The following CADPS2 variants were observed in gnomAD, a reference collection of about 807,000 sequenced individuals.
CADPS2 encodes calcium-dependent secretion activator 2.
In CADPS2, 93 loss-of-function variants were observed where a neutral mutation model predicts 172.5. The observed-to-expected ratio is 0.54, with a 90% CI of 0.46 to 0.64. The LOEUF is 0.64. CADPS2 is among the 30% of genes least tolerant of loss of function. CADPS2 has a pLI of 0.00. For missense variants in CADPS2, 1,420 were observed against 1,565.9 expected (o/e 0.91, Z 1.57); for synonymous variants, 546 against 555.2 (o/e 0.98, Z 0.23).
At chr7:122,541,848 C>T (rs997035267) in intron 8 of CADPS2, among the ~76,000 whole-genome samples, 11 of 70,172 alleles carry the variant, frequency 1.6e-4, no homozygotes, top group Non-Finnish European at 3.9e-4. Flanking sequence ...TTTATATATT[C>T]ATATATATTT....
At chr7:122,677,715 C>G (rs1212498807) in intron 2 of CADPS2, among the ~76,000 whole-genome samples, 1 of 152,140 alleles carries the variant, frequency 6.6e-6, no homozygotes, top group African/African-American at 2.4e-5. Flanking sequence ...GATCACACAG[C>G]CAGAGTGTGG....
At chr7:122,514,816 G>C (rs1330167843) in intron 8 of CADPS2, among the ~76,000 whole-genome samples, 1 of 151,952 alleles carries the variant, frequency 6.6e-6, no homozygotes, top group African/African-American at 2.4e-5. Flanking sequence ...TTATGTTTTT[G>C]ATAAAATTAA....
chr7:122,654,142 T>C (rs1451480715), intron 3 of CADPS2, among the ~76,000 whole-genome samples: 1 of 152,168 alleles, frequency 6.6e-6, no homozygotes, highest in African/African-American at 2.4e-5. Flanking sequence ...GAAGAAAAGT[T>C]TGAAGCTAGG....
intron 14 of CADPS2, among the ~76,000 whole-genome samples, chr7:122,468,014 C>A (rs1429276801): frequency 1.3e-5 from 2 of 152,074 alleles, no homozygotes; most frequent in Non-Finnish European, 2.9e-5. Flanking sequence ...CTGTTTAACT[C>A]TATTCTTTTA....
chr7:122,424,322 T>G (rs76824312), intron 17 of CADPS2: 1 of 984,574 alleles, frequency 1.0e-6, no homozygotes, highest in African/African-American at 1.7e-5. Context: ...CATTAACTAC[T>G]TTACCTAGAT....
chr7:122,639,156 C>G (rs2077353878), intron 3 of CADPS2, among the ~76,000 whole-genome samples: 2 of 152,124 alleles, frequency 1.3e-5, no homozygotes, highest in Non-Finnish European at 2.9e-5. Flanking sequence ...AACCAGTAAT[C>G]CTCATTTTAT....
chr7:122,496,781 T>A (rs1271930935), intron 9 of CADPS2, among the ~76,000 whole-genome samples: 2 of 152,182 alleles, frequency 1.3e-5, no homozygotes, highest in Non-Finnish European at 2.9e-5. Flanking sequence ...GTGTTTTGTT[T>A]GCTTAAAAAG....
chr7:122,607,752 T>C (rs1341757450), intron 6 of CADPS2, among the ~76,000 whole-genome samples: 1 of 152,158 alleles, frequency 6.6e-6, no homozygotes, highest in Non-Finnish European at 1.5e-5. Context: ...GGCTAATGCT[T>C]ATCTCTTTAG....
chr7:122,418,716 GA>G (rs1202178668), intron 17 of CADPS2, among the ~76,000 whole-genome samples: 1 of 152,148 alleles, frequency 6.6e-6, no homozygotes, highest in Non-Finnish European at 1.5e-5. Flanking sequence ...TTGCAGGCCA[GA>G]GAGGAGTATG....
intron 2 of CADPS2, 118 bp downstream of exon 2, chr7:122,736,837 C>T: frequency 1.7e-6 from 1 of 583,280 alleles, no homozygotes; most frequent in Non-Finnish European, 3.1e-6. Flanking sequence ...AAAAAGGTTG[C>T]AAATTCACAG....
intron 2 of CADPS2, among the ~76,000 whole-genome samples, chr7:122,713,724 C>A (rs1487450641): frequency 6.6e-6 from 1 of 151,984 alleles, no homozygotes; most frequent in African/African-American, 2.4e-5. Flanking sequence ...AGTAACACCT[C>A]CAGCTAAGCA....
intron 25 of CADPS2, among the ~76,000 whole-genome samples, chr7:122,374,111 T>G (rs1437329008): frequency 6.6e-6 from 1 of 152,174 alleles, no homozygotes; most frequent in Admixed American, 6.5e-5. Context: ...GCAAGTCAGT[T>G]GTTATGACAC....
chr7:122,418,604 A>T (rs1026743806), intron 17 of CADPS2, among the ~76,000 whole-genome samples: 1 of 152,180 alleles, frequency 6.6e-6, no homozygotes, highest in Non-Finnish European at 1.5e-5. Flanking sequence ...GTTTAGTAGA[A>T]CAGTGAACTA....
At chr7:122,675,493 T>A (rs550203218) in intron 2 of CADPS2, among the ~76,000 whole-genome samples, 14 of 152,344 alleles carry the variant, frequency 9.2e-5, no homozygotes, top group East Asian at 5.8e-4. Context: ...CTAAATTTTT[T>A]AAAAATTATC....
chr7:122,567,413 A>G (rs1483543050), intron 7 of CADPS2, among the ~76,000 whole-genome samples: 3 of 152,190 alleles, frequency 2.0e-5, no homozygotes, highest in Admixed American at 2.0e-4. Flanking sequence ...GGATTACAAA[A>G]GCATCGACTT....
chr7:122,652,672 G>C (rs534715451), intron 3 of CADPS2, among the ~76,000 whole-genome samples: 1 of 152,204 alleles, frequency 6.6e-6, no homozygotes, highest in South Asian at 2.1e-4. Flanking sequence ...TGTACATGTT[G>C]ATCTTTACTT....
intron 20 of CADPS2, among the ~76,000 whole-genome samples, chr7:122,396,132 C>A (rs1276190124): frequency 6.6e-6 from 1 of 151,946 alleles, no homozygotes; most frequent in Non-Finnish European, 1.5e-5. Flanking sequence ...TTAAACTTAT[C>A]AATAAGGTAA....
chr7:122,793,000 T>A (rs907307414), intron 1 of CADPS2, among the ~76,000 whole-genome samples: 6 of 152,314 alleles, frequency 3.9e-5, no homozygotes, highest in African/African-American at 1.2e-4. Flanking sequence ...ATGAAAAAAT[T>A]AAAATGCTGT....
intron 20 of CADPS2, among the ~76,000 whole-genome samples, chr7:122,402,507 T>G (rs1042611284): frequency 3.9e-5 from 6 of 152,282 alleles, no homozygotes; most frequent in African/African-American, 1.4e-4. Flanking sequence ...AAAACTATTT[T>G]TAAACATCGA....
Sources: gnomAD v4.1 joint callset for allele counts (sites outside exome capture counted in the v4.1 genomes callset) on GRCh38, gnomAD v4.1.1 for gene constraint, MANE v1.5 for transcripts, NCBI Gene and HGNC (gene_info 2026-07-23, HGNC 2026-07-21) for gene names.